Variants in CPA6 observed in about 807,000 individuals in gnomAD.
CPA6 encodes the protein carboxypeptidase B.
CPA6 carries 58 observed loss-of-function variants against 63.3 expected under a neutral mutation model. The ratio of observed to expected loss-of-function variants is 0.92; its 90% CI spans 0.74 to 1.14. CPA6 has a LOEUF of 1.14. CPA6 is among the 50% of genes most tolerant of loss of function. The probability of loss-of-function intolerance (pLI) is 0.00; values close to 1 mark genes in which losing one functional copy is unlikely to be tolerated. For synonymous variants in CPA6, 185 were observed against 179.0 expected (o/e 1.03, Z -0.27); for missense variants, 565 against 526.6 (o/e 1.07, Z -0.71).
At chr8:67,544,792 A>G (rs556121602) in intron 2 of CPA6, among the ~76,000 whole-genome samples, 1 of 152,052 alleles carries the variant, frequency 6.6e-6, no homozygotes, top group African/African-American at 2.4e-5. Flanking sequence ...TTAATCCCCA[A>G]CTTCCACCAG....
intron 2 of CPA6, among the ~76,000 whole-genome samples, chr8:67,592,120 C>A (rs565603143): frequency 1.3e-5 from 2 of 152,230 alleles, no homozygotes; most frequent in South Asian, 2.1e-4. Flanking sequence ...TTGTCAAAGG[C>A]CTTTTCTGCA....
At chr8:67,446,951 C>T (rs1810432655) in intron 8 of CPA6, among the ~76,000 whole-genome samples, 1 of 151,808 alleles carries the variant, frequency 6.6e-6, no homozygotes, top group Non-Finnish European at 1.5e-5. Context: ...TACTCACACA[C>T]CATGCATATA....
intron 1 of CPA6, among the ~76,000 whole-genome samples, chr8:67,710,744 A>G (rs1442767804): frequency 6.7e-6 from 1 of 148,234 alleles, no homozygotes. Flanking sequence ...GGGTCTGTTT[A>G]GTCTGTTGGG....
intron 1 of CPA6, among the ~76,000 whole-genome samples, chr8:67,713,984 G>T (rs187278837): frequency 6.6e-6 from 1 of 151,960 alleles, no homozygotes; most frequent in Non-Finnish European, 1.5e-5. Flanking sequence ...TAATCCTTCT[G>T]GTTTTACGTA....
In CPA6 at chr8:67,434,232, C is replaced by T. The variant is rs545504815; in HGVS notation, c.847G>A (p.Ala283Thr). Reference sequence around the variant, plus strand: ...GTGTCATCACAAGGGTGCATAGAAGCTCCTTCATCTGCAAGTCAGAAAAGA... The same window carrying T: ...GTGTCATCACAAGGGTGCATAGAAGTTCCTTCATCTGCAAGTCAGAAAAGA... ...NWKVKWCDEG[A>T]SMHPCDDTYC... The change falls in exon 9 of 11, where the codon GCT becomes ACT. Residue 283 changes from alanine (A) to threonine (T), a missense_variant. Physicochemically the swap from Ala to Thr is moderately conservative, Grantham distance 58. Coordinates refer to ENST00000297770, the MANE Select transcript of CPA6 (RefSeq NM_020361.5). The T allele has an allele frequency of 1.9e-6, 3 of 1,613,612 alleles. No homozygotes were observed. The East Asian group carries it at 6.7e-5, about 36-fold the overall frequency.
rs141728104 is a variant in CPA6 at position 67,554,456 on chromosome 8, G to T, written c.193-36409C>A. On this transcript the variant is annotated intron_variant, in intron 2 of 10. Transcript: ENST00000297770. Reference sequence around the variant, plus strand: ...CAGCTAAACCATTCATGAGAAATCCGCCACCATGGTCCAGTCACCTCCTAC... The same window carrying T: ...CAGCTAAACCATTCATGAGAAATCCTCCACCATGGTCCAGTCACCTCCTAC... Among the ~76,000 whole-genome samples, 10 of 152,110 alleles carry T rather than the reference G, an allele frequency of 6.6e-5. No homozygotes were observed. In the East Asian group the frequency reaches 1.7e-3, roughly 26 times the overall value.
chr8:67,446,856 G>A (rs1220900147), intron 8 of CPA6, among the ~76,000 whole-genome samples: 1 of 152,104 alleles, frequency 6.6e-6, no homozygotes, highest in Non-Finnish European at 1.5e-5. Context: ...TAAAAACTGA[G>A]CGTAGTTAAC....
chr8:67,605,145 T>G (rs1313561943), intron 2 of CPA6, among the ~76,000 whole-genome samples: 2 of 152,002 alleles, frequency 1.3e-5, no homozygotes, highest in African/African-American at 4.8e-5. Flanking sequence ...GAGCTCCTTG[T>G]CTGAAGTCCA....
chr8:67,713,854 A>G (rs543859375), intron 1 of CPA6, among the ~76,000 whole-genome samples: 1 of 152,168 alleles, frequency 6.6e-6, no homozygotes, highest in Non-Finnish European at 1.5e-5. Context: ...TGTTGCATAC[A>G]TTTCTGATTT....
intron 2 of CPA6, among the ~76,000 whole-genome samples, chr8:67,597,667 A>G (rs73692171): frequency 2.0e-5 from 3 of 151,920 alleles, no homozygotes; most frequent in Non-Finnish European, 2.9e-5. Context: ...TTTCAGTTCT[A>G]TGTTTTCTAC....
intron 1 of CPA6, among the ~76,000 whole-genome samples, chr8:67,674,537 C>A (rs1170490125): frequency 2.0e-5 from 3 of 152,140 alleles, no homozygotes; most frequent in Non-Finnish European, 4.4e-5. Flanking sequence ...GCTGGCGAGG[C>A]TGTAGAGAAA....
chr8:67,517,561 G>A (rs762480990), intron 3 of CPA6, among the ~76,000 whole-genome samples: 18 of 152,182 alleles, frequency 1.2e-4, no homozygotes, highest in Non-Finnish European at 2.5e-4. Context: ...TTGCTTGTGT[G>A]GTCTCCTCTG....
At chr8:67,422,928 G>A (rs980925036) in intron 10 of CPA6, among the ~76,000 whole-genome samples, 1 of 152,168 alleles carries the variant, frequency 6.6e-6, no homozygotes, top group Admixed American at 6.5e-5. Flanking sequence ...TTACCAGCAC[G>A]AAGACTAAAA....
At chr8:67,699,961 C>A (rs148412939) in intron 1 of CPA6, among the ~76,000 whole-genome samples, 1 of 152,170 alleles carries the variant, frequency 6.6e-6, no homozygotes, top group African/African-American at 2.4e-5. Flanking sequence ...ATGTAAAATT[C>A]TGTATGCATT....
At chr8:67,699,003 G>A (rs1471408797) in intron 1 of CPA6, among the ~76,000 whole-genome samples, 2 of 152,204 alleles carry the variant, frequency 1.3e-5, no homozygotes, top group Non-Finnish European at 2.9e-5. Context: ...CCACTACATA[G>A]TTGGAAGGAA....
chr8:67,746,348 A>AAGCAGCAGG lies in CPA6; in HGVS notation c.-220_-219insCCTGCTGCT. The stretch of plus-strand genomic sequence containing the variant: ...TGCTATTACGACTTGGTCTTGGGAC[A>AAGCAGCAGG]AGCAGCAGCAGCAGCAGCAGCAGCT... On this transcript the variant is annotated 5_prime_UTR_variant, in exon 1 of 11. Transcript: ENST00000297770. 2 of 403,928 alleles carry AAGCAGCAGG rather than the reference A, an allele frequency of 5.0e-6. No homozygotes were observed. The allele number at this position is 403,928 out of a possible 1,614,324, so 25.0% of individuals were successfully genotyped here.
At chr8:67,482,164 T>C (rs527497369) in intron 8 of CPA6, among the ~76,000 whole-genome samples, 7 of 152,326 alleles carry the variant, frequency 4.6e-5, no homozygotes, top group African/African-American at 7.2e-5. Flanking sequence ...GCACCTGATA[T>C]AAACAGGAGT....
rs188779675 is a variant in CPA6 at position 67,709,390 on chromosome 8, C to T, written c.116+36624G>A. Among the ~76,000 whole-genome samples the T allele has an allele frequency of 3.6e-3, 548 of 152,344 alleles. 3 individuals are homozygous for T. The highest frequency in any genetic ancestry group is 0.012 in the African/African-American group (504 of 41,576). ...CTTTTACTCCTGCTCCAAAACCTGC[C>T]TCAGTCTCTCACTCTGCCTTATGTC... On this transcript the variant is annotated intron_variant, in intron 1 of 10. Coordinates refer to ENST00000297770, the MANE Select transcript of CPA6 (RefSeq NM_020361.5).
chr8:67,431,019 G>A (rs1810015497), intron 9 of CPA6, among the ~76,000 whole-genome samples: 1 of 151,908 alleles, frequency 6.6e-6, no homozygotes, highest in Non-Finnish European at 1.5e-5. Context: ...GCACCACTAT[G>A]CCTGGCTAAT....
Sources: gnomAD v4.1 joint callset for allele counts (sites outside exome capture counted in the v4.1 genomes callset) on GRCh38, gnomAD v4.1.1 for gene constraint, MANE v1.5 for transcripts, NCBI Gene and HGNC (gene_info 2026-07-23, HGNC 2026-07-21) for gene names.